SLC14A2: variants seen among roughly 807,000 people sequenced by gnomAD.
The protein encoded by SLC14A2 is solute carrier family 14 member 2, also known as urea transporter 2.
Under a neutral mutation model 104.6 loss-of-function variants are expected in SLC14A2, and 91 were observed. The observed-to-expected ratio is 0.87, with a 90% CI of 0.73 to 1.04. SLC14A2 has a LOEUF of 1.04. SLC14A2 is among the 50% of genes least tolerant of loss of function. The pLI, the probability that SLC14A2 is intolerant of heterozygous loss-of-function variation, is 0.00. For missense variants in SLC14A2, 1,189 were observed against 1,156.0 expected, an observed-to-expected ratio of 1.03 and a Z score of -0.41; for synonymous variants, 476 against 466.4, an observed-to-expected ratio of 1.02 and a Z score of -0.27.
chr18:45,191,448 A>T, the SLC14A2 span, among the ~76,000 whole-genome samples: 3 of 152,212 alleles, frequency 2.0e-5, no homozygotes. Context: ...TAGAAATCAA[A>T]CAAATGTATA....
At chr18:45,327,532 A>G (rs1404379999) in intron 1 of SLC14A2, among the ~76,000 whole-genome samples, 5 of 151,900 alleles carry the variant, frequency 3.3e-5, no homozygotes, top group Non-Finnish European at 7.4e-5. Context: ...AAAACCCTCA[A>G]TCTCTTCTCC....
At chr18:45,214,229 A>G (rs2083987640) in intron 1 of SLC14A2, among the ~76,000 whole-genome samples, 1 of 152,230 alleles carries the variant, frequency 6.6e-6, no homozygotes, top group Admixed American at 6.5e-5. Flanking sequence ...AACCCGACTC[A>G]TATCATGAGA....
chr18:45,222,783 C>T (rs2084075839), intron 1 of SLC14A2, among the ~76,000 whole-genome samples: 2 of 152,116 alleles, frequency 1.3e-5, no homozygotes, highest in Non-Finnish European at 2.9e-5. Flanking sequence ...ACTTCTTATC[C>T]ACTTGCTTGG....
At position 45,541,099 on chromosome 18, in the gene SLC14A2, G is replaced by A. The variant is rs1231032266; in HGVS notation, c.-35+57777G>A. ...CACCATGACAAATAGGAAGCTCAGA[G>A]TCTAGGGATCTAAGCCATTCAGGAG... is the stretch of plus-strand genomic sequence containing the variant. On this transcript the variant is annotated intron_variant, in intron 2 of 20. Transcript: ENST00000586448. Among the ~76,000 whole-genome samples the A allele has an allele frequency of 2.6e-5, 4 of 152,202 alleles. No individual in the cohort carries two copies. The South Asian group carries it at 8.3e-4, about 32-fold the overall frequency.
At chr18:45,593,410 A>G (rs1275431205) in intron 2 of SLC14A2, among the ~76,000 whole-genome samples, 1 of 151,726 alleles carries the variant, frequency 6.6e-6, no homozygotes, top group African/African-American at 2.4e-5. Flanking sequence ...ACAAACCCCC[A>G]AACAATAATA....
chr18:45,403,864 C>T (rs1007149524), intron 1 of SLC14A2, among the ~76,000 whole-genome samples: 4 of 152,092 alleles, frequency 2.6e-5, no homozygotes, highest in Non-Finnish European at 4.4e-5. Flanking sequence ...CCTCATCACC[C>T]GTAAGATAAA....
chr18:45,438,691 A>G (rs2086635404), intron 1 of SLC14A2, among the ~76,000 whole-genome samples: 1 of 152,350 alleles, frequency 6.6e-6, no homozygotes, highest in Non-Finnish European at 1.5e-5. Context: ...GAAACCAGGA[A>G]TAAAAATATC....
At chr18:45,168,548 A>G in the SLC14A2 span, 1 of 152,250 alleles carries the variant, frequency 6.6e-6, no homozygotes, top group Admixed American at 6.5e-5. Flanking sequence ...AGCACTCAGT[A>G]AATAAGGGTT....
chr18:45,263,894 G>A (rs549226301), intron 1 of SLC14A2, among the ~76,000 whole-genome samples: 12 of 152,220 alleles, frequency 7.9e-5, no homozygotes, highest in East Asian at 1.9e-4. Flanking sequence ...ACCAATGAAC[G>A]AGGTCTCCTT....
chr18:45,254,621 G>A (rs753476327), intron 1 of SLC14A2, among the ~76,000 whole-genome samples: 31 of 152,012 alleles, frequency 2.0e-4, no homozygotes, highest in Non-Finnish European at 4.4e-4. Context: ...TTTTTCTCTG[G>A]GAAGAATCCA....
intron 1 of SLC14A2, among the ~76,000 whole-genome samples, chr18:45,274,928 T>G (rs1182392640): frequency 1.3e-5 from 2 of 152,250 alleles, no homozygotes; most frequent in Non-Finnish European, 2.9e-5. Context: ...TTTTGATAGA[T>G]GCATTTGAAG....
At chr18:45,292,047 T>G (rs1389521542) in intron 1 of SLC14A2, among the ~76,000 whole-genome samples, 2 of 152,202 alleles carry the variant, frequency 1.3e-5, no homozygotes, top group African/African-American at 2.4e-5. Flanking sequence ...AGACAGTGTA[T>G]GCACTGTATT....
chr18:45,330,451 G>T (rs1003326898), intron 1 of SLC14A2, among the ~76,000 whole-genome samples: 2 of 152,216 alleles, frequency 1.3e-5, no homozygotes, highest in African/African-American at 4.8e-5. Flanking sequence ...ACATTTTTGT[G>T]TGTAAGTGAT....
intron 1 of SLC14A2, among the ~76,000 whole-genome samples, chr18:45,410,486 T>C (rs1359567238): frequency 2.0e-5 from 3 of 152,172 alleles, no homozygotes; most frequent in Admixed American, 1.3e-4. Flanking sequence ...ATAAACTCTC[T>C]CTTAAAATGT....
intron 1 of SLC14A2, among the ~76,000 whole-genome samples, chr18:45,264,779 A>G (rs1428552810): frequency 6.6e-6 from 1 of 152,168 alleles, no homozygotes; most frequent in Non-Finnish European, 1.5e-5. Flanking sequence ...ATAACACATG[A>G]GAGTTATGGG....
intron 2 of SLC14A2, among the ~76,000 whole-genome samples, chr18:45,549,567 G>A (rs922606177): frequency 3.3e-5 from 5 of 152,230 alleles, no homozygotes; most frequent in African/African-American, 1.2e-4. Flanking sequence ...TGCCCCAGTG[G>A]AGTGCAGGTA....
intron 1 of SLC14A2, among the ~76,000 whole-genome samples, chr18:45,473,635 T>C (rs1381292290): frequency 6.6e-6 from 1 of 152,178 alleles, no homozygotes; most frequent in Non-Finnish European, 1.5e-5. Flanking sequence ...ATTCTCTTTG[T>C]AGCAGTTGCG....
chr18:45,602,456 C>T (rs906428414), intron 2 of SLC14A2, among the ~76,000 whole-genome samples: 1 of 152,184 alleles, frequency 6.6e-6, no homozygotes, highest in African/African-American at 2.4e-5. Flanking sequence ...ACTGAAAAGC[C>T]ACTTCACCTA....
chr18:45,672,845 G>A (rs955948663), intron 16 of SLC14A2, 55 bp from the exon 17 acceptor site: 3 of 1,545,050 alleles, frequency 1.9e-6, no homozygotes, highest in Non-Finnish European at 2.6e-6. Flanking sequence ...TGCAGCCAAG[G>A]TCAAGTTGTC....
Sources: gnomAD v4.1 joint callset for allele counts (sites outside exome capture counted in the v4.1 genomes callset) on GRCh38, gnomAD v4.1.1 for gene constraint, MANE v1.5 for transcripts, NCBI Gene and HGNC (gene_info 2026-07-23, HGNC 2026-07-21) for gene names.